SLC16A9: variants seen among roughly 807,000 people sequenced by gnomAD.
SLC16A9 encodes the protein monocarboxylate transporter 9.
In SLC16A9, 26 loss-of-function variants were observed where a neutral mutation model predicts 44.3. That is an observed-to-expected ratio of 0.59 (90% confidence interval 0.43 to 0.81). SLC16A9 has a LOEUF of 0.81. SLC16A9 is among the 40% of genes least tolerant of loss of function. The probability of loss-of-function intolerance (pLI) is 0.00; values close to 1 mark genes in which losing one functional copy is unlikely to be tolerated. For synonymous variants in SLC16A9, 230 were observed against 225.1 expected (o/e 1.02, Z -0.19); for missense variants, 559 against 595.8 (o/e 0.94, Z 0.64).
chr10:59,681,090 G>T (rs1289343904), intron 2 of SLC16A9, among the ~76,000 whole-genome samples: 1 of 152,008 alleles, frequency 6.6e-6, no homozygotes, highest in Admixed American at 6.6e-5. Context: ...TGCTGAAATG[G>T]TCCCATAGAT....
chr10:59,680,905 C>T (rs1467636753), intron 2 of SLC16A9, among the ~76,000 whole-genome samples: 1 of 151,956 alleles, frequency 6.6e-6, no homozygotes, highest in African/African-American at 2.4e-5. Context: ...ATCACTTGAA[C>T]CCGGGAGGTC....
At chr10:59,655,793 G>A (rs957018830) in intron 4 of SLC16A9, among the ~76,000 whole-genome samples, 3 of 152,186 alleles carry the variant, frequency 2.0e-5, no homozygotes, top group African/African-American at 7.2e-5. Context: ...TGAAAAGGTT[G>A]ATCATATGTT....
At chr10:59,676,177 G>C (rs910502018) in intron 2 of SLC16A9, among the ~76,000 whole-genome samples, 4 of 152,140 alleles carry the variant, frequency 2.6e-5, no homozygotes, top group African/African-American at 4.8e-5. Context: ...GTGTTCAATA[G>C]TTTAGAGCAA....
chr10:59,702,793 T>C (rs1443165592), intron 1 of SLC16A9, among the ~76,000 whole-genome samples: 1 of 152,222 alleles, frequency 6.6e-6, no homozygotes, highest in Non-Finnish European at 1.5e-5. Flanking sequence ...AAATCGAAAT[T>C]GCCATATTAA....
intron 1 of SLC16A9, among the ~76,000 whole-genome samples, chr10:59,695,807 C>T (rs1424995219): frequency 1.3e-5 from 2 of 152,090 alleles, no homozygotes; most frequent in African/African-American, 4.8e-5. Context: ...TCAGGGTTTC[C>T]GAGGTCAACA....
intron 2 of SLC16A9, among the ~76,000 whole-genome samples, chr10:59,674,741 A>C (rs938451041): frequency 6.6e-6 from 1 of 152,220 alleles, no homozygotes; most frequent in Non-Finnish European, 1.5e-5. Flanking sequence ...TGGAATTGAA[A>C]CACACAGAGA....
At chr10:59,682,795 TACAA>T (rs898058623) in intron 2 of SLC16A9, among the ~76,000 whole-genome samples, 1 of 112,794 alleles carries the variant, frequency 8.9e-6, no homozygotes, top group African/African-American at 3.5e-5. Flanking sequence ...TTGGTGGCTT[TACAA>T]ACAATCCTTA....
intron 1 of SLC16A9, among the ~76,000 whole-genome samples, chr10:59,690,643 C>G (rs1465808934): frequency 6.6e-6 from 1 of 151,976 alleles, no homozygotes; most frequent in Non-Finnish European, 1.5e-5. Flanking sequence ...GCTCACAGAG[C>G]AAAACAAGAT....
intron 1 of SLC16A9, among the ~76,000 whole-genome samples, chr10:59,704,497 C>T (rs1440383585): frequency 6.6e-6 from 1 of 152,196 alleles, no homozygotes; most frequent in Non-Finnish European, 1.5e-5. Context: ...TTTCTAAGTC[C>T]TACTCTCAAA....
intron 2 of SLC16A9, among the ~76,000 whole-genome samples, chr10:59,677,596 C>G (rs577859340): frequency 6.6e-6 from 1 of 152,132 alleles, no homozygotes; most frequent in South Asian, 2.1e-4. Context: ...AAATAAAACC[C>G]AAGGCCAAAA....
chr10:59,658,347 C>T (rs1179076035), intron 4 of SLC16A9, among the ~76,000 whole-genome samples: 3 of 52,670 alleles, frequency 5.7e-5, no homozygotes, highest in African/African-American at 9.3e-5. Context: ...TCTCATGGGA[C>T]TCTGTCACAG....
intron 1 of SLC16A9, among the ~76,000 whole-genome samples, chr10:59,693,520 T>C (rs889181492): frequency 5.3e-5 from 8 of 152,234 alleles, no homozygotes; most frequent in African/African-American, 1.9e-4. Flanking sequence ...TCTGTATGTC[T>C]ATATATACAC....
intron 1 of SLC16A9, among the ~76,000 whole-genome samples, chr10:59,707,073 G>A (rs113402359): frequency 0.048 from 7,185 of 149,872 alleles, 224 homozygotes; most frequent in Middle Eastern, 0.077. Context: ...GAACCATGGC[G>A]AAACCCCATC....
At chr10:59,705,118 T>C (rs1840609856) in intron 1 of SLC16A9, among the ~76,000 whole-genome samples, 2 of 152,138 alleles carry the variant, frequency 1.3e-5, no homozygotes, top group Admixed American at 1.3e-4. Context: ...CTGTCTCTTC[T>C]CAGAGTTTAA....
intron 2 of SLC16A9, among the ~76,000 whole-genome samples, chr10:59,678,446 C>T (rs1262352118): frequency 6.6e-6 from 1 of 151,070 alleles, no homozygotes; most frequent in African/African-American, 2.4e-5. Context: ...CCCTGACTGC[C>T]TTTCATTTTA....
At chr10:59,666,298 C>CAAA (rs35476359) in intron 3 of SLC16A9, among the ~76,000 whole-genome samples, 3,500 of 101,914 alleles carry the variant, frequency 0.034, 139 homozygotes, top group African/African-American at 0.12. Flanking sequence ...GACTCTGTCT[C>CAAA]AAAAAAAAAA....
chr10:59,696,875 C>T (rs1840395623), intron 1 of SLC16A9, among the ~76,000 whole-genome samples: 1 of 151,462 alleles, frequency 6.6e-6, no homozygotes, highest in South Asian at 2.1e-4. Context: ...CAGCAGCCAC[C>T]CCGTGTGGGA....
chr10:59,656,272 T>C (rs940489850), intron 4 of SLC16A9, among the ~76,000 whole-genome samples: 2 of 152,216 alleles, frequency 1.3e-5, no homozygotes, highest in Non-Finnish European at 2.9e-5. Flanking sequence ...TGTACTGCAT[T>C]AGTACCCATT....
In SLC16A9 at chr10:59,696,252, G is replaced by C. The variant is rs576912201; in HGVS notation, c.-36-11925C>G. On this transcript the variant is annotated intron_variant, in intron 1 of 5. Transcript: ENST00000395348. Reference sequence around the variant, plus strand: ...CCGAGTGCCTGCGATTGTAGGCGCGGGCCCCCACGCCTGACTGGTTTTCGT... The same window carrying C: ...CCGAGTGCCTGCGATTGTAGGCGCGCGCCCCCACGCCTGACTGGTTTTCGT... 1.8e-3 allele frequency among the ~76,000 whole-genome samples: 278 copies of C among 152,348 alleles called. 1 individual carries two copies. Among genetic ancestry groups the C allele is most frequent in the Middle Eastern group, 0.017 (5 of 294 alleles).
Sources: allele counts gnomAD v4.1 joint callset (sites outside exome capture counted in the v4.1 genomes callset), GRCh38; gene constraint gnomAD v4.1.1; transcripts MANE v1.5; gene names NCBI Gene and HGNC (gene_info 2026-07-23, HGNC 2026-07-21).